SOX6: variants seen among roughly 807,000 people sequenced by gnomAD.
SOX6 encodes the protein SRY-box transcription factor 6, also known as transcription factor SOX-6.
Under a neutral mutation model 97.8 loss-of-function variants are expected in SOX6, and 11 were observed. The observed-to-expected ratio is 0.11, with a 90% CI of 0.07 to 0.19. The LOEUF (loss-of-function observed/expected upper bound fraction) is 0.19. Among genes scored for constraint, SOX6 ranks in the 10% least tolerant of loss-of-function variants. The probability of loss-of-function intolerance (pLI) is 1.00; values close to 1 mark genes in which losing one functional copy is unlikely to be tolerated. For missense variants in SOX6, 810 were observed against 1,039.5 expected (o/e 0.78, Z 3.04); for synonymous variants, 360 against 371.4 (o/e 0.97, Z 0.35).
At chr11:16,594,359 G>T (rs564586893) in intron 4 of SOX6, among the ~76,000 whole-genome samples, 12 of 152,136 alleles carry the variant, frequency 7.9e-5, no homozygotes, top group Admixed American at 2.0e-4. Flanking sequence ...GCATTCTCTG[G>T]ATTTACTGTT....
chr11:16,569,840 G>C (rs1026437160), intron 4 of SOX6, among the ~76,000 whole-genome samples: 1 of 127,962 alleles, frequency 7.8e-6, no homozygotes, highest in African/African-American at 3.3e-5. Flanking sequence ...CTGCACTCCA[G>C]CCTGGGTGAC....
At chr11:16,197,552 T>G (rs919527957) in intron 4 of SOX6, among the ~76,000 whole-genome samples, 4 of 152,202 alleles carry the variant, frequency 2.6e-5, no homozygotes, top group Admixed American at 2.6e-4. Context: ...TTCTAAAAAC[T>G]GCTGTTTCTT....
At chr11:16,380,773 C>G (rs1051992658) in intron 1 of SOX6, among the ~76,000 whole-genome samples, 1 of 152,006 alleles carries the variant, frequency 6.6e-6, no homozygotes, top group Non-Finnish European at 1.5e-5. Context: ...TGTCCATCTA[C>G]TAATAGATAG....
intron 4 of SOX6, among the ~76,000 whole-genome samples, chr11:16,590,241 T>C (rs1263660214): frequency 1.3e-5 from 2 of 152,218 alleles, no homozygotes; most frequent in African/African-American, 4.8e-5. Context: ...AATGTACATA[T>C]TTCTCAACAT....
chr11:16,637,365 C>T (rs866804979), intron 3 of SOX6, among the ~76,000 whole-genome samples: 2 of 152,016 alleles, frequency 1.3e-5, no homozygotes, highest in Admixed American at 6.6e-5. Flanking sequence ...GGACTACAGG[C>T]GTGCACTACC....
At chr11:16,507,259 T>C (rs10766329) in intron 4 of SOX6, among the ~76,000 whole-genome samples, 33,401 of 151,882 alleles carry the variant, frequency 0.22, 4,166 homozygotes, top group East Asian at 0.51. Flanking sequence ...TGATTAAATC[T>C]CTTTTCTTTG....
intron 4 of SOX6, among the ~76,000 whole-genome samples, chr11:16,514,404 T>A (rs944317920): frequency 1.3e-5 from 2 of 152,176 alleles, no homozygotes; most frequent in Non-Finnish European, 2.9e-5. Flanking sequence ...TAGTTGCCAC[T>A]AGCCCAAAGA....
At position 16,099,192 on chromosome 11, in the gene SOX6, G is replaced by C. The variant is rs536529402; in HGVS notation, c.899-1504C>G. Reference sequence around the variant, plus strand: ...AGTAATGTTCAAAATATCTGATCTTGTTTTTCTCCTTCCATGAGGTTGATT... The same window carrying C: ...AGTAATGTTCAAAATATCTGATCTTCTTTTTCTCCTTCCATGAGGTTGATT... On this transcript the variant is annotated intron_variant, in intron 7 of 15. Transcript: ENST00000683767. Among the ~76,000 whole-genome samples, 15 of 151,740 alleles carry C rather than the reference G, an allele frequency of 9.9e-5. No homozygotes were observed. The South Asian group carries it at 3.1e-3, about 31-fold the overall frequency.
intron 1 of SOX6, among the ~76,000 whole-genome samples, chr11:16,437,393 C>T (rs1035667052): frequency 1.2e-4 from 19 of 152,066 alleles, no homozygotes; most frequent in African/African-American, 4.6e-4. Context: ...CCATACCCAA[C>T]CCCACTAGAT....
At chr11:16,082,998 G>A (rs780547274) in intron 9 of SOX6, among the ~76,000 whole-genome samples, 1 of 152,090 alleles carries the variant, frequency 6.6e-6, no homozygotes, top group Non-Finnish European at 1.5e-5. Flanking sequence ...CTCTTTGTCT[G>A]GAGTGCTTTT....
At chr11:16,344,624 C>T (rs907255369) in intron 1 of SOX6, among the ~76,000 whole-genome samples, 1 of 151,916 alleles carries the variant, frequency 6.6e-6, no homozygotes, top group African/African-American at 2.4e-5. Context: ...AATGCTCAGT[C>T]AGTAATTTTC....
Position 15,972,939 on chromosome 11 carries a change from C to T in SOX6, c.2357G>A (p.Gly786Asp), listed in dbSNP as rs1195600294. Residue 786 changes from glycine (G) to aspartate (D), a missense_variant, in exon 16 of 16, where the codon GGC becomes GAC. Physicochemically the swap from Gly to Asp is moderately conservative, Grantham distance 94 (BLOSUM62 -1). This residue lies in a region of SOX6 where 122 missense variants were observed against 153.4 expected (regional missense o/e 0.80). Transcript: ENST00000683767. ...CATTTCATTTCCAGCTAGGCTTCCGCCATCTGTCTTCATACCATAAGTGCT... is the reference window on the plus strand; with the variant it reads ...CATTTCATTTCCAGCTAGGCTTCCGTCATCTGTCTTCATACCATAAGTGCT... ...IQSTYGMKTD[G>D]GSLAGNEMIN... 1 of 1,614,244 alleles carries T rather than the reference C, an allele frequency of 6.2e-7. No individual in the cohort carries two copies. The highest frequency in any genetic ancestry group is 2.2e-5 in the East Asian group (1 of 44,890).
chr11:16,113,133 C>T (rs1328082024), intron 6 of SOX6, among the ~76,000 whole-genome samples: 1 of 152,098 alleles, frequency 6.6e-6, no homozygotes, highest in Non-Finnish European at 1.5e-5. Context: ...GTCCCTGTTC[C>T]CTTCATAGCC....
chr11:16,289,764 C>A lies in SOX6; in HGVS notation c.445+28682G>T, dbSNP rs567339937. On this transcript the variant is annotated intron_variant, in intron 3 of 15. Transcript: ENST00000683767. ...TTTAAATCTCTGTAAGGAATAAAAG[C>A]AGAAGTTGATTGGCCCAGAGTAAAA... is the stretch of plus-strand genomic sequence containing the variant. 5.3e-5 allele frequency among the ~76,000 whole-genome samples: 8 copies of A among 152,032 alleles called. No homozygotes were observed. In the South Asian group the frequency reaches 1.7e-3, roughly 32 times the overall value.
chr11:16,449,556 T>C lies in SOX6; in HGVS notation c.-5+26759A>G, dbSNP rs1221396124. On this transcript the variant is annotated intron_variant, in intron 1 of 15. Transcript: ENST00000396356. ...ATCTGCCCGCCTCGGCCTCCCAAAG[T>C]GTTGGGATTACAGGCGTGAGCCACG... is the stretch of plus-strand genomic sequence containing the variant. 6.6e-5 allele frequency among the ~76,000 whole-genome samples: 10 copies of C among 152,250 alleles called. No homozygotes were observed. The East Asian group carries it at 7.7e-4, about 12-fold the overall frequency.
intron 12 of SOX6, among the ~76,000 whole-genome samples, chr11:16,042,784 C>T (rs1180684717): frequency 6.6e-6 from 1 of 152,136 alleles, no homozygotes; most frequent in East Asian, 1.9e-4. Flanking sequence ...TCCACTGTAG[C>T]TCACTTTGAC....
At chr11:16,346,347 C>T (rs1226323889) in intron 1 of SOX6, among the ~76,000 whole-genome samples, 1 of 151,952 alleles carries the variant, frequency 6.6e-6, no homozygotes, top group African/African-American at 2.4e-5. Flanking sequence ...CAGCCTAGGG[C>T]AAAGAATGAT....
intron 4 of SOX6, among the ~76,000 whole-genome samples, chr11:16,503,951 G>C (rs181859341): frequency 1.3e-5 from 2 of 151,990 alleles, no homozygotes. Context: ...GTTGAGGCAG[G>C]AGAATTGCAT....
At chr11:16,558,954 A>G (rs1565180140) in intron 4 of SOX6, among the ~76,000 whole-genome samples, 1 of 152,090 alleles carries the variant, frequency 6.6e-6, no homozygotes, top group Non-Finnish European at 1.5e-5. Flanking sequence ...TAAACTGAAC[A>G]ATGCAGAAAT....
Sources: allele counts gnomAD v4.1 joint callset (sites outside exome capture counted in the v4.1 genomes callset), GRCh38; gene constraint gnomAD v4.1.1; regional missense constraint gnomAD v4.1.1; transcripts MANE v1.5; gene names NCBI Gene and HGNC (gene_info 2026-07-23, HGNC 2026-07-21).